The following SLC43A2 variants were observed in gnomAD, a reference collection of about 807,000 sequenced individuals.
SLC43A2 encodes the protein large neutral amino acids transporter small subunit 4.
Under a neutral mutation model 63.2 loss-of-function variants are expected in SLC43A2, and 38 were observed. That is an observed-to-expected ratio of 0.60 (90% CI 0.46 to 0.79). The LOEUF is 0.79. SLC43A2 is among the 30% of genes least tolerant of loss of function. SLC43A2 has a pLI of 0.00. For synonymous variants in SLC43A2, 322 were observed against 331.0 expected (o/e 0.97, Z 0.30); for missense variants, 644 against 756.2 (o/e 0.85, Z 1.74).
intron 11 of SLC43A2, among the ~76,000 whole-genome samples, chr17:1,582,971 C>G (rs778803131): frequency 2.0e-5 from 3 of 152,082 alleles, no homozygotes; most frequent in Non-Finnish European, 4.4e-5. Flanking sequence ...CCCAGCTACT[C>G]GGGAGGCTGA....
chr17:1,590,747 TG>T, intron 9 of SLC43A2, 54 bp downstream of exon 9: 1 of 1,544,518 alleles, frequency 6.5e-7, no homozygotes, highest in Non-Finnish European at 8.7e-7. Flanking sequence ...CGGTGGCCAG[TG>T]GGCTGGGCTC....
In SLC43A2 at chr17:1,585,263, G is replaced by A. The variant is rs533332597; in HGVS notation, c.1217+650C>T. ...CTTCTTTATTGTTTTTTCTTTTTGA[G>A]ACAGTCTTGCTCTGTTGCCCAGGCT... On this transcript the variant is annotated intron_variant, in intron 10 of 13. Transcript: ENST00000301335. The A allele has an allele frequency of 4.0e-6, 4 of 991,060 alleles. No individual in the cohort carries two copies. The South Asian group carries it at 1.8e-4, about 44-fold the overall frequency. The allele number at this position is 991,060 out of a possible 1,614,324, so 61.4% of individuals were successfully genotyped here.
At position 1,605,725 on chromosome 17, in the gene SLC43A2, G is replaced by A. The variant is rs183805133; in HGVS notation, c.501+7470C>T. Among the ~76,000 whole-genome samples, 328 of 152,294 alleles carry A rather than the reference G, an allele frequency of 2.2e-3. 6 individuals carry two copies. Among genetic ancestry groups the A allele is most frequent in the Admixed American group, 0.017 (254 of 15,296 alleles). ...GAGTTCTGTACAACCTGCACAGGCC[G>A]GGATCCCGGAACCAGACTGCACAGG... On this transcript the variant is annotated intron_variant, in intron 5 of 13. Transcript: ENST00000301335. This position sits in a 1 kb window ranked among gnomAD's most constrained non-coding sequence, Gnocchi z 4.9.
intron 6 of SLC43A2, 26 bp from the exon 7 acceptor site, chr17:1,591,725 G>C (rs199736377): frequency 1.2e-5 from 12 of 975,376 alleles, no homozygotes; most frequent in East Asian, 8.4e-5. Flanking sequence ...GGGACGGGGT[G>C]GGGGGGGGAG....
chr17:1,585,741 A>T, intron 10 of SLC43A2, 172 bp downstream of exon 10: 1 of 1,570,244 alleles, frequency 6.4e-7, no homozygotes, highest in South Asian at 1.1e-5. Flanking sequence ...AGAGGGGAGC[A>T]GTTGAAACGC....
At chr17:1,589,195 AG>A (rs1302979477) in intron 9 of SLC43A2, among the ~76,000 whole-genome samples, 1 of 152,196 alleles carries the variant, frequency 6.6e-6, no homozygotes, top group Non-Finnish European at 1.5e-5. Context: ...GGGCAGCAAA[AG>A]ATTTCTCAGA....
Position 1,575,433 on chromosome 17 carries a change from C to T in SLC43A2, c.*171G>A. 1.2e-6 allele frequency: 1 copy of T among 831,460 alleles called. No individual in the cohort carries two copies. The highest frequency in any genetic ancestry group is 2.6e-5 in the Admixed American group (1 of 38,386). 51.5% of individuals were successfully genotyped at this position (831,460 alleles called of 1,614,324 possible). ...AGGAGAAAACGCGCGTGTCCGGGGCCCTCTCCCGTCCTTCCACCACAGAGC... is the reference window on the plus strand; with the variant it reads ...AGGAGAAAACGCGCGTGTCCGGGGCTCTCTCCCGTCCTTCCACCACAGAGC... On this transcript the variant is annotated 3_prime_UTR_variant, in exon 14 of 14. Transcript: ENST00000301335.
chr17:1,597,966 G>A (rs976077009), intron 5 of SLC43A2, among the ~76,000 whole-genome samples: 18 of 152,178 alleles, frequency 1.2e-4, no homozygotes, highest in Non-Finnish European at 1.9e-4. Flanking sequence ...GACAAGCCTC[G>A]GTTCCCAAGC....
At chr17:1,604,985 G>A (rs921478632) in intron 5 of SLC43A2, 8 of 1,446,956 alleles carry the variant, frequency 5.5e-6, no homozygotes, top group South Asian at 4.3e-5. Flanking sequence ...CGCGGGCCTC[G>A]AGGGCTGGCG....
intron 9 of SLC43A2, among the ~76,000 whole-genome samples, chr17:1,587,826 T>C (rs562401962): frequency 6.6e-6 from 1 of 152,116 alleles, no homozygotes; most frequent in Admixed American, 6.5e-5. Context: ...AAAGGGAGGG[T>C]AGGACAGGTG....
intron 5 of SLC43A2, among the ~76,000 whole-genome samples, chr17:1,599,941 G>A (rs1304496118): frequency 6.8e-6 from 1 of 147,980 alleles, no homozygotes; most frequent in Admixed American, 6.8e-5. Flanking sequence ...CTACTCGGGA[G>A]GCTGAGACGG....
In SLC43A2 at chr17:1,574,665, C is replaced by G. The variant is rs2151023944; in HGVS notation, c.*939G>C. The G allele has an allele frequency of 6.6e-6, 1 of 152,386 alleles. No individual in the cohort carries two copies. The highest frequency in any genetic ancestry group is 1.5e-5 in the Non-Finnish European group (1 of 68,072). The allele number at this position is 152,386 out of a possible 1,614,324, so 9.4% of individuals were successfully genotyped here. On this transcript the variant is annotated 3_prime_UTR_variant, in exon 14 of 14. Coordinates refer to ENST00000301335, the MANE Select transcript of SLC43A2 (RefSeq NM_152346.3). ...CTTGGACAAGCTCCTGGCCCCACGC[C>G]AGGATGGCTCCTGGGCACTGGCCCA...
rs1052191806 is a variant in SLC43A2, at chr17:1,574,887, C to T, written c.*717G>A. The T allele has an allele frequency of 1.3e-5, 2 of 152,790 alleles. No individual in the cohort carries two copies. The highest frequency in any genetic ancestry group is 4.8e-5 in the African/African-American group (2 of 41,474). The allele number at this position is 152,790 out of a possible 1,614,324, so 9.5% of individuals were successfully genotyped here. ...TACGGGGTGCCCTGGCGGCGGTCCT[C>T]AAATTCCCTTCAGGTGGCAGACAGA... On this transcript the variant is annotated 3_prime_UTR_variant, in exon 14 of 14. Coordinates refer to ENST00000301335, the MANE Select transcript of SLC43A2 (RefSeq NM_152346.3).
In SLC43A2 at chr17:1,580,728, ATT is replaced by A. The variant is rs11321695; in HGVS notation, c.1351-2407_1351-2406del. ...AGGCATGTGCCACCAGGCCCGGCTA[ATT>A]TTTTTTTTTTTTTTTTTGAGACAAG... On this transcript the variant is annotated intron_variant, in intron 11 of 13. Coordinates refer to ENST00000301335, the MANE Select transcript of SLC43A2 (RefSeq NM_152346.3). Among the ~76,000 whole-genome samples the A allele has an allele frequency of 6.3e-3, 793 of 126,330 alleles. 5 individuals are homozygous for A. Among genetic ancestry groups the A allele is most frequent in the African/African-American group, 0.017 (556 of 32,916 alleles). The allele number at this position is 126,330 out of a possible 152,430, so 82.9% of individuals were successfully genotyped here.
At chr17:1,604,433 T>C (rs950458143) in intron 5 of SLC43A2, 1 of 400,460 alleles carries the variant, frequency 2.5e-6, no homozygotes. Flanking sequence ...ACAGGCATGA[T>C]CCCTCTACTG....
rs1234007640 is a variant in SLC43A2, at chr17:1,575,401, GTTC to G, written c.*200_*202del. 4.5e-6 allele frequency: 3 copies of G among 665,322 alleles called. No individual in the cohort carries two copies. The African/African-American group carries it at 5.5e-5, about 12-fold the overall frequency. The allele number at this position is 665,322 out of a possible 1,614,324, so 41.2% of individuals were successfully genotyped here. On this transcript the variant is annotated 3_prime_UTR_variant, in exon 14 of 14. Transcript: ENST00000301335. ...AGAGCAAAGTCAGGGCAGCCCCTGC[GTTC>G]GGCAGGAGAAAACGCGCGTGTCCGG... is the stretch of plus-strand genomic sequence containing the variant.
In SLC43A2 at chr17:1,610,206, C is replaced by T. The variant is rs540175534; in HGVS notation, c.501+2989G>A. ...GTGCTGGGATTACAGGTGTGAGCCA[C>T]TGCGCCTGGCAGGCTCATAGAAGTT... On this transcript the variant is annotated intron_variant, in intron 5 of 13. Transcript: ENST00000301335. Among the ~76,000 whole-genome samples, 4 of 152,160 alleles carry T rather than the reference C, an allele frequency of 2.6e-5. No homozygotes were observed. In the South Asian group the frequency reaches 8.3e-4, roughly 32 times the overall value.
intron 5 of SLC43A2, among the ~76,000 whole-genome samples, chr17:1,594,806 TCTGG>T (rs1905149484): frequency 6.6e-6 from 1 of 151,602 alleles, no homozygotes; most frequent in South Asian, 2.1e-4. Context: ...GCCAGGATGG[TCTGG>T]ATCTCCTGAC....
At chr17:1,595,015 T>A (rs928405336) in intron 5 of SLC43A2, among the ~76,000 whole-genome samples, 10 of 151,902 alleles carry the variant, frequency 6.6e-5, no homozygotes, top group Admixed American at 6.6e-4. Context: ...TGCCTCTGTA[T>A]CTTTTTAAAG....
Sources: allele counts gnomAD v4.1 joint callset (sites outside exome capture counted in the v4.1 genomes callset), GRCh38; gene constraint gnomAD v4.1.1; non-coding constraint Gnocchi (gnomAD v3.1); transcripts MANE v1.5; gene names NCBI Gene and HGNC (gene_info 2026-07-23, HGNC 2026-07-21).